RALYL: variants seen among roughly 807,000 people sequenced by gnomAD.
The protein encoded by RALYL is RALY RNA binding protein like, also known as RNA-binding Raly-like protein.
RALYL carries 29 observed loss-of-function variants against 35.1 expected under a neutral mutation model. The ratio of observed to expected loss-of-function variants is 0.83; its 90% CI spans 0.61 to 1.13. The LOEUF (loss-of-function observed/expected upper bound fraction) is 1.13. RALYL is among the 50% of genes most tolerant of loss of function. RALYL has a pLI of 0.00. For missense variants in RALYL, 359 were observed against 360.4 expected (o/e 1.00, Z 0.03); for synonymous variants, 120 against 127.6 (o/e 0.94, Z 0.40).
At position 84,583,350 on chromosome 8, in the gene RALYL, C is replaced by A. The variant is rs565985636; in HGVS notation, c.256+53773C>A. On this transcript the variant is annotated intron_variant, in intron 2 of 8. Coordinates refer to ENST00000521268, the MANE Select transcript of RALYL (RefSeq NM_173848.7). ...TCTGTGCCTATGTATAATATTATTT[C>A]ACTTTGATAAAAAATGGATCAGATA... Among the ~76,000 whole-genome samples the A allele has an allele frequency of 4.6e-5, 7 of 152,132 alleles. No homozygotes were observed. In the South Asian group the frequency reaches 1.2e-3, roughly 27 times the overall value.
chr8:84,487,403 G>T (rs2054766618), intron 1 of RALYL, among the ~76,000 whole-genome samples: 1 of 151,988 alleles, frequency 6.6e-6, no homozygotes, highest in African/African-American at 2.4e-5. Flanking sequence ...TAATACATTT[G>T]CAGAATTCAA....
chr8:84,622,231 T>C (rs1026909834), intron 2 of RALYL, among the ~76,000 whole-genome samples: 2 of 152,110 alleles, frequency 1.3e-5, no homozygotes, highest in Non-Finnish European at 2.9e-5. Context: ...TACGTGGTAA[T>C]AACCTGGTAG....
At chr8:84,391,660 C>T (rs1860728734) in intron 1 of RALYL, among the ~76,000 whole-genome samples, 1 of 152,000 alleles carries the variant, frequency 6.6e-6, no homozygotes, top group Non-Finnish European at 1.5e-5. Context: ...ATATTGTAGG[C>T]ATATTAAGGC....
intron 1 of RALYL, among the ~76,000 whole-genome samples, chr8:84,356,398 C>T (rs1258855849): frequency 6.7e-6 from 1 of 150,334 alleles, no homozygotes; most frequent in African/African-American, 2.5e-5. Context: ...GAGGGTAGTT[C>T]CAAGACGATA....
intron 2 of RALYL, among the ~76,000 whole-genome samples, chr8:84,569,958 G>T (rs933579318): frequency 6.6e-6 from 1 of 151,674 alleles, no homozygotes; most frequent in Non-Finnish European, 1.5e-5. Context: ...GTACATTTTT[G>T]TGCTAGTACC....
intron 4 of RALYL, among the ~76,000 whole-genome samples, chr8:84,837,177 C>T (rs543391456): frequency 1.3e-4 from 20 of 152,266 alleles, no homozygotes; most frequent in Admixed American, 4.6e-4. Flanking sequence ...CCTCAACTTA[C>T]GGTCAACTGT....
At chr8:84,277,610 A>C (rs1835673207) in intron 1 of RALYL, among the ~76,000 whole-genome samples, 1 of 152,210 alleles carries the variant, frequency 6.6e-6, no homozygotes, top group Non-Finnish European at 1.5e-5. Flanking sequence ...TGAGCCTGTA[A>C]AATTAAAAAC....
Position 84,635,157 on chromosome 8 carries a change from A to AT in RALYL, c.256+105588dup, listed in dbSNP as rs541519394. 4.4e-3 allele frequency among the ~76,000 whole-genome samples: 652 copies of AT among 149,252 alleles called. 5 individuals are homozygous for AT. Among genetic ancestry groups the AT allele is most frequent in the African/African-American group, 0.016 (608 of 39,192 alleles). ...AAGTAGCAGGCTAAGTACTTTACATATTTTTTTTATTTTATTCTCACATTT... is the reference window on the plus strand; with the variant it reads ...AAGTAGCAGGCTAAGTACTTTACATATTTTTTTTTATTTTATTCTCACATTT... On this transcript the variant is annotated intron_variant, in intron 2 of 8. Coordinates refer to ENST00000521268, the MANE Select transcript of RALYL (RefSeq NM_173848.7).
rs1847806001 is a variant in RALYL, at chr8:84,913,033, T to TGG, written c.859-7861_859-7860insGG. Among the ~76,000 whole-genome samples the TGG allele has an allele frequency of 2.2e-4, 13 of 58,896 alleles. No homozygotes were observed. The South Asian group carries it at 2.8e-3, about 13-fold the overall frequency. 38.6% of individuals were successfully genotyped at this position (58,896 alleles called of 152,430 possible). A position where few individuals can be genotyped will look rare whatever the true frequency, so the allele number is the denominator to read the frequency against. On this transcript the variant is annotated intron_variant, in intron 8 of 8. Coordinates refer to ENST00000521268, the MANE Select transcript of RALYL (RefSeq NM_173848.7). ...ATGGATGGATGGATGGATGGATGGA[T>TGG]AGGTAGGTAGATAGATAGATAGATA...
chr8:84,431,499 C>T (rs1484931713), intron 1 of RALYL, among the ~76,000 whole-genome samples: 1 of 152,076 alleles, frequency 6.6e-6, no homozygotes, highest in Non-Finnish European at 1.5e-5. Context: ...AAAGATAGTC[C>T]TCCTATCTAA....
At chr8:84,277,094 C>T (rs992169355) in intron 1 of RALYL, among the ~76,000 whole-genome samples, 51 of 152,252 alleles carry the variant, frequency 3.3e-4, no homozygotes, top group African/African-American at 1.2e-3. Context: ...ATTAATGTAG[C>T]ATTTACTGTA....
At chr8:84,414,511 C>T (rs1304117130) in intron 1 of RALYL, among the ~76,000 whole-genome samples, 2 of 152,056 alleles carry the variant, frequency 1.3e-5, no homozygotes, top group African/African-American at 4.8e-5. Context: ...ATGGTTAGAT[C>T]ATCCTGTTTT....
At chr8:84,369,175 C>G (rs56262713) in intron 1 of RALYL, among the ~76,000 whole-genome samples, 17,048 of 152,146 alleles carry the variant, frequency 0.11, 1,346 homozygotes, top group Non-Finnish European at 0.18. Context: ...GCCACACCCT[C>G]CCCTGGACAC....
intron 3 of RALYL, among the ~76,000 whole-genome samples, chr8:84,784,270 T>A (rs1818862383): frequency 6.6e-6 from 1 of 152,098 alleles, no homozygotes; most frequent in South Asian, 2.1e-4. Context: ...TAATAAACAA[T>A]TTGACAATGT....
intron 3 of RALYL, among the ~76,000 whole-genome samples, chr8:84,778,138 A>T (rs1817284681): frequency 6.6e-6 from 1 of 152,178 alleles, no homozygotes; most frequent in African/African-American, 2.4e-5. Context: ...AAAGTAAGTT[A>T]TTTGTATGAA....
intron 2 of RALYL, among the ~76,000 whole-genome samples, chr8:84,669,124 A>G (rs1305654479): frequency 6.6e-6 from 1 of 152,196 alleles, no homozygotes; most frequent in African/African-American, 2.4e-5. Flanking sequence ...ACAGTAATAG[A>G]TAACTGAGAT....
intron 1 of RALYL, among the ~76,000 whole-genome samples, chr8:84,434,099 G>T (rs1016983090): frequency 1.3e-5 from 2 of 151,916 alleles, no homozygotes; most frequent in Non-Finnish European, 2.9e-5. Flanking sequence ...CAAGATCAAG[G>T]GTTGGCAGGG....
intron 2 of RALYL, among the ~76,000 whole-genome samples, chr8:84,685,090 C>T (rs369116255): frequency 1.3e-5 from 2 of 152,166 alleles, no homozygotes; most frequent in East Asian, 3.9e-4. Context: ...CTCATGACCT[C>T]GTCTAACTCA....
chr8:84,885,778 G>T (rs899044332), intron 7 of RALYL, among the ~76,000 whole-genome samples: 1 of 152,142 alleles, frequency 6.6e-6, no homozygotes, highest in African/African-American at 2.4e-5. Flanking sequence ...CCCCATGAGT[G>T]TTGTTCTGTG....
Sources: allele counts gnomAD v4.1 joint callset (sites outside exome capture counted in the v4.1 genomes callset), GRCh38; gene constraint gnomAD v4.1.1; transcripts MANE v1.5; gene names NCBI Gene and HGNC (gene_info 2026-07-23, HGNC 2026-07-21).